NRXN1: variants seen among roughly 807,000 people sequenced by gnomAD.
NRXN1 encodes the protein neurexin-1.
In NRXN1, 39 loss-of-function variants were observed where a neutral mutation model predicts 150.9. The observed-to-expected ratio is 0.26, with a 90% CI of 0.20 to 0.34. The LOEUF is 0.34. NRXN1 is among the 10% of genes least tolerant of loss of function. The pLI is 1.00. For missense variants in NRXN1, 1,815 were observed against 1,949.9 expected, an observed-to-expected ratio of 0.93 and a Z score of 1.30; for synonymous variants, 924 against 757.0, an observed-to-expected ratio of 1.22 and a Z score of -3.62.
At chr2:50,775,036 A>G (rs1211814469) in intron 5 of NRXN1, among the ~76,000 whole-genome samples, 6 of 152,142 alleles carry the variant, frequency 3.9e-5, no homozygotes, top group Non-Finnish European at 7.4e-5. Context: ...AGAACTTTGC[A>G]TTCCTACTGC....
rs563402616 is a variant in NRXN1 at position 50,440,226 on chromosome 2, G to A, written c.3364+25216C>T. On this transcript the variant is annotated intron_variant, in intron 17 of 22. Transcript: ENST00000401669. ...AGGAGATAGGCTGATTAGAAAGGGGGAAGGAAAAAGGAGTAAAGAGAGAGT... is the reference window on the plus strand; with the variant it reads ...AGGAGATAGGCTGATTAGAAAGGGGAAAGGAAAAAGGAGTAAAGAGAGAGT... 3.3e-5 allele frequency among the ~76,000 whole-genome samples: 5 copies of A among 152,118 alleles called. No individual in the cohort carries two copies. The South Asian group carries it at 1.0e-3, about 32-fold the overall frequency.
chr2:50,745,588 A>G (rs1699926983), intron 5 of NRXN1, among the ~76,000 whole-genome samples: 1 of 152,084 alleles, frequency 6.6e-6, no homozygotes, highest in African/African-American at 2.4e-5. Flanking sequence ...AGACATAAGC[A>G]AGACTGGGTA....
chr2:50,889,266 G>A (rs1334127417), intron 5 of NRXN1, among the ~76,000 whole-genome samples: 4 of 151,584 alleles, frequency 2.6e-5, no homozygotes, highest in Non-Finnish European at 5.9e-5. Context: ...TCCATCAGAC[G>A]GGAAGTGTTC....
At chr2:50,341,948 T>G (rs141721749) in intron 17 of NRXN1, among the ~76,000 whole-genome samples, 1 of 152,204 alleles carries the variant, frequency 6.6e-6, no homozygotes, top group African/African-American at 2.4e-5. Context: ...AAGGAAAAAA[T>G]TGAATTTGCC....
intron 5 of NRXN1, among the ~76,000 whole-genome samples, chr2:50,771,195 C>A (rs1702971621): frequency 6.6e-6 from 1 of 152,010 alleles, no homozygotes; most frequent in African/African-American, 2.4e-5. Context: ...CAACTAATGT[C>A]AGAACAAGAA....
intron 2 of NRXN1, among the ~76,000 whole-genome samples, chr2:50,994,797 A>G (rs1056859995): frequency 2.6e-5 from 4 of 152,230 alleles, no homozygotes; most frequent in African/African-American, 9.6e-5. Flanking sequence ...CAAGAACAAC[A>G]ACTGCAAAAT....
At chr2:50,805,945 T>C (rs9284757) in intron 5 of NRXN1, among the ~76,000 whole-genome samples, 128,278 of 152,064 alleles carry the variant, frequency 0.84, 54,121 homozygotes, top group Middle Eastern at 0.88. Context: ...TACCTACCTA[T>C]ATTTTGGCTG....
At chr2:50,922,029 G>A (rs191992513) in intron 4 of NRXN1, 149 bp from the exon 5 acceptor site, 5 of 442,480 alleles carry the variant, frequency 1.1e-5, no homozygotes, top group East Asian at 3.5e-5. Context: ...ACAAGGTTTT[G>A]AAGACAAATG....
intron 21 of NRXN1, among the ~76,000 whole-genome samples, chr2:50,013,273 C>T (rs73930975): frequency 1.0e-3 from 140 of 136,070 alleles, no homozygotes; most frequent in Middle Eastern, 8.2e-3. Flanking sequence ...ATTAAAGTTT[C>T]TTTTTTTTTT....
intron 17 of NRXN1, among the ~76,000 whole-genome samples, chr2:50,312,534 C>G (rs76420276): frequency 6.6e-6 from 1 of 151,712 alleles, no homozygotes; most frequent in African/African-American, 2.4e-5. Flanking sequence ...ACATTTTCAA[C>G]GCATTTTTAT....
At chr2:50,621,091 T>A (rs950581857) in intron 7 of NRXN1, 135 bp downstream of exon 7, 23 of 658,606 alleles carry the variant, frequency 3.5e-5, no homozygotes, top group African/African-American at 9.3e-5. Flanking sequence ...GAGGTCAAAG[T>A]AAGCAGAAGA....
intron 13 of NRXN1, among the ~76,000 whole-genome samples, chr2:50,498,189 A>G (rs2091752830): frequency 6.6e-6 from 1 of 152,090 alleles, no homozygotes; most frequent in South Asian, 2.1e-4. Flanking sequence ...AAATGTGACT[A>G]TATATTTTCC....
At chr2:50,676,529 G>A (rs570750735) in intron 5 of NRXN1, among the ~76,000 whole-genome samples, 1 of 152,180 alleles carries the variant, frequency 6.6e-6, no homozygotes, top group East Asian at 1.9e-4. Context: ...CAATTTTCTT[G>A]TCTGTACAAT....
intron 18 of NRXN1, chr2:50,199,303 T>C (rs1363814039): frequency 3.9e-5 from 6 of 152,072 alleles, no homozygotes; most frequent in Non-Finnish European, 5.9e-5. Flanking sequence ...CAAAGATTTT[T>C]TAAAAAAATA....
chr2:50,619,858 G>T, intron 8 of NRXN1, 164 bp downstream of exon 8: 2 of 526,912 alleles, frequency 3.8e-6, no homozygotes, highest in South Asian at 5.4e-5. Flanking sequence ...TGATCTATGA[G>T]CTGTTTCCCT....
chr2:50,236,554 A>G (rs1389538369), intron 18 of NRXN1, among the ~76,000 whole-genome samples: 7 of 148,150 alleles, frequency 4.7e-5, no homozygotes, highest in Non-Finnish European at 8.9e-5. Flanking sequence ...TTTTGAACAC[A>G]GAATTAAGAG....
chr2:50,656,492 C>T (rs1349586661), intron 5 of NRXN1: 1 of 686,042 alleles, frequency 1.5e-6, no homozygotes, highest in Non-Finnish European at 2.7e-6. Context: ...TTCACACCAA[C>T]TGAGGTCTGG....
At chr2:50,100,196 G>A (rs1363901593) in intron 18 of NRXN1, among the ~76,000 whole-genome samples, 1 of 152,154 alleles carries the variant, frequency 6.6e-6, no homozygotes, top group African/African-American at 2.4e-5. Context: ...TCAGTAATCT[G>A]TGAAGCCTTT....
Position 50,502,247 on chromosome 2 carries a change from G to A in NRXN1, c.2497+4248C>T, listed in dbSNP as rs192159609. On this transcript the variant is annotated intron_variant, in intron 13 of 22. Transcript: ENST00000401669. ...AGAAGGAAGGAAGGAAGGAAGGAAGGAGGGAAAAAATAAACAATTTACCCA... is the reference window on the plus strand; with the variant it reads ...AGAAGGAAGGAAGGAAGGAAGGAAGAAGGGAAAAAATAAACAATTTACCCA... 1.4e-4 allele frequency among the ~76,000 whole-genome samples: 21 copies of A among 151,650 alleles called. No homozygotes were observed. In the East Asian group the frequency reaches 3.3e-3, roughly 24 times the overall value.
Sources: gnomAD v4.1 joint callset for allele counts (sites outside exome capture counted in the v4.1 genomes callset) on GRCh38, gnomAD v4.1.1 for gene constraint, MANE v1.5 for transcripts, NCBI Gene and HGNC (gene_info 2026-07-23, HGNC 2026-07-21) for gene names.